Variants in TTLL4 observed in about 807,000 individuals in gnomAD.
TTLL4 encodes the protein tubulin tyrosine ligase like 4.
Under a neutral mutation model 122.7 loss-of-function variants are expected in TTLL4, and 85 were observed. The observed-to-expected ratio is 0.69, with a 90% CI of 0.58 to 0.83. The LOEUF is 0.83. TTLL4 is among the 40% of genes least tolerant of loss of function. TTLL4 has a pLI of 0.00. For synonymous variants in TTLL4, 553 were observed against 563.0 expected, an observed-to-expected ratio of 0.98 and a Z score of 0.25; for missense variants, 1,363 against 1,488.6, an observed-to-expected ratio of 0.92 and a Z score of 1.39.
rs1942857250 is a variant in TTLL4, at chr2:218,746,870, G to A, written c.1975-133G>A. ...GCAGTTGGATACTTGAGGACCATTA[G>A]GGTGGTGATAGTAAGATGGAACAAA... is the stretch of plus-strand genomic sequence containing the variant. On this transcript the variant is annotated intron_variant, in intron 8 of 19. Coordinates refer to ENST00000392102, the MANE Select transcript of TTLL4 (RefSeq NM_014640.5). The A allele has an allele frequency of 3.3e-6, 3 of 910,292 alleles. No homozygotes were observed. In the African/African-American group the frequency reaches 5.0e-5, roughly 15 times the overall value. The allele number at this position is 910,292 out of a possible 1,614,324, so 56.4% of individuals were successfully genotyped here.
At chr2:218,749,467 C>CTT (rs368058156) in intron 14 of TTLL4, 80 bp downstream of exon 14, 2,709 of 1,255,182 alleles carry the variant, frequency 2.2e-3, no homozygotes, top group East Asian at 2.7e-3. Flanking sequence ...GTAAGTTGTT[C>CTT]TTTTTTTTTT....
chr2:218,748,330 G>A, intron 12 of TTLL4, 103 bp downstream of exon 12: 1 of 1,495,978 alleles, frequency 6.7e-7, no homozygotes, highest in Non-Finnish European at 9.0e-7. Context: ...ATTAATATAA[G>A]ACCCAGAGAT....
At position 218,747,500 on chromosome 2, in the gene TTLL4, T is replaced by G. The variant is rs867761816; in HGVS notation, c.2250-97T>G. 5 of 1,575,922 alleles carry G rather than the reference T, an allele frequency of 3.2e-6. No individual in the cohort carries two copies. In the Middle Eastern group the frequency reaches 5.7e-4, roughly 179 times the overall value. ...TCCTTAGCCAACTGTTCTAAGGTCT[T>G]TATCTTGGGGACTGTTAGCTGGCTT... On this transcript the variant is annotated intron_variant, in intron 10 of 19. Coordinates refer to ENST00000392102, the MANE Select transcript of TTLL4 (RefSeq NM_014640.5). The surrounding 1 kb of genome is among the most constrained non-coding windows in gnomAD (Gnocchi z 4.7).
chr2:218,728,673 T>C (rs1942264085), intron 2 of TTLL4, among the ~76,000 whole-genome samples: 1 of 152,066 alleles, frequency 6.6e-6, no homozygotes, highest in Admixed American at 6.6e-5. Flanking sequence ...ATCCTGGCAA[T>C]GTGGGAAGGC....
At position 218,753,668 on chromosome 2, in the gene TTLL4, G is replaced by T. The variant is rs1943084870; in HGVS notation, c.3343G>T (p.Gly1115Ter). The change falls in exon 19 of 20, where the codon GGA (glycine) becomes TGA (stop). Residue 1115 changes from glycine (G) to a stop codon, truncating the protein, a stop_gained and splice_region_variant. Coordinates refer to ENST00000392102, the MANE Select transcript of TTLL4 (RefSeq NM_014640.5). LOFTEE classifies it low-confidence loss of function (END_TRUNC). Reference protein sequence around the residue: ...AFSKSETSKLGKQSSCEVSLL... With the variant: ...AFSKSETSKL The stretch of plus-strand genomic sequence containing the variant: ...CAGCAAATCAGAGACTAGCAAGCTG[G>T]GGTGAGTGCTGCCTGGGCAAGGGAG... 6.2e-7 allele frequency: 1 copy of T among 1,613,982 alleles called. No homozygotes were observed. The highest frequency in any genetic ancestry group is 8.5e-7 in the Non-Finnish European group (1 of 1,180,016).
chr2:218,758,909 ATTG>A (rs1244157017), downstream of TTLL4, among the ~76,000 whole-genome samples: 1 of 152,250 alleles, frequency 6.6e-6, no homozygotes, highest in Non-Finnish European at 1.5e-5. Context: ...GAATTAACAA[ATTG>A]TGATATCTCT....
At chr2:218,725,562 CTTTT>C (rs913826483) in intron 1 of TTLL4, among the ~76,000 whole-genome samples, 5 of 148,370 alleles carry the variant, frequency 3.4e-5, no homozygotes, top group Non-Finnish European at 7.5e-5. Context: ...TTTATATTGC[CTTTT>C]TTTTTTGGAG....
intron 14 of TTLL4, among the ~76,000 whole-genome samples, chr2:218,749,719 G>A (rs565453099): frequency 2.0e-5 from 3 of 152,170 alleles, no homozygotes; most frequent in East Asian, 3.9e-4. Flanking sequence ...TGCCCACCTC[G>A]GCCTCCCAAA....
intron 2 of TTLL4, among the ~76,000 whole-genome samples, chr2:218,727,605 G>A (rs907002516): frequency 7.2e-5 from 11 of 152,012 alleles, no homozygotes; most frequent in Admixed American, 1.3e-4. Context: ...GCATGGTGGC[G>A]GGCGCCTGTA....
At chr2:218,727,118 C>A (rs558150313) in intron 1 of TTLL4, among the ~76,000 whole-genome samples, 151 bp from the exon 2 acceptor site, 1 of 152,296 alleles carries the variant, frequency 6.6e-6, no homozygotes, top group Admixed American at 6.5e-5. Flanking sequence ...CTGCTAATTT[C>A]TTTTAGTAAG....
chr2:218,736,817 G>A (rs1025871765), intron 2 of TTLL4, among the ~76,000 whole-genome samples: 5 of 151,392 alleles, frequency 3.3e-5, no homozygotes, highest in African/African-American at 1.2e-4. Flanking sequence ...GATTTAGGGA[G>A]CAGTAGATGT....
At chr2:218,723,592 A>C (rs1475946343) in intron 1 of TTLL4, among the ~76,000 whole-genome samples, 2 of 152,182 alleles carry the variant, frequency 1.3e-5, no homozygotes, top group African/African-American at 4.8e-5. Flanking sequence ...TTTGTTTGGA[A>C]ATTGCAGAAG....
Position 218,728,986 on chromosome 2 carries a change from G to T in TTLL4, c.-99+1639G>T, listed in dbSNP as rs563289436. ...TTGTTCTTGTTGCCCAGGCTGGAAT[G>T]CAATGGCATGATCTCGGCTCACTGT... On this transcript the variant is annotated intron_variant, in intron 2 of 19. Transcript: ENST00000392102. 2.5e-3 allele frequency among the ~76,000 whole-genome samples: 355 copies of T among 142,454 alleles called. 1 individual carries two copies. The highest frequency in any genetic ancestry group is 8.9e-3 in the African/African-American group (333 of 37,476). 93.5% of individuals were successfully genotyped at this position (142,454 alleles called of 152,430 possible). A position where few individuals can be genotyped will look rare whatever the true frequency, so the allele number is the denominator to read the frequency against.
rs1942863863 is a variant in TTLL4 at position 218,747,095 on chromosome 2, G to A, written c.2067G>A (p.Glu689=). The A allele has an allele frequency of 6.2e-7, 1 of 1,614,236 alleles. No individual in the cohort carries two copies. The highest frequency in any genetic ancestry group is 1.7e-5 in the Admixed American group (1 of 60,030). Residue 689 remains glutamate, a synonymous_variant, in exon 9 of 20, where the codon GAG becomes GAA. Transcript: ENST00000392102. The surrounding 1 kb of genome is among the most constrained non-coding windows in gnomAD (Gnocchi z 4.7). Reference sequence around the variant, plus strand: ...TGCAGAGCCGCTTTGGCAAGAAGGAGTTCAGTTTCTTCCCCCAGTCCTTTA... The same window carrying A: ...TGCAGAGCCGCTTTGGCAAGAAGGAATTCAGTTTCTTCCCCCAGTCCTTTA... The part of the protein sequence containing the change: ...SRMQSRFGKK[E]FSFFPQSFIL...
At position 218,737,751 on chromosome 2, in the gene TTLL4, A is replaced by G. The variant is rs1414152432; in HGVS notation, c.75A>G (p.Ser25=). 1 of 1,613,984 alleles carries G rather than the reference A, an allele frequency of 6.2e-7. No individual in the cohort carries two copies. Among genetic ancestry groups the G allele is most frequent in the East Asian group, 2.2e-5 (1 of 44,872 alleles). Residue 25 remains serine (S), a synonymous_variant, in exon 3 of 20, where the codon TCA becomes TCG. Transcript: ENST00000392102. Reference sequence around the variant, plus strand: ...ACAGCTTCAAGCAGAGTGGTCCCTCAGGCACAGTACCTGCCACGCCACCTG... The same window carrying G: ...ACAGCTTCAAGCAGAGTGGTCCCTCGGGCACAGTACCTGCCACGCCACCTG... The part of the protein sequence containing the change: ...QKNSFKQSGP[S]GTVPATPPEK...
intron 1 of TTLL4, among the ~76,000 whole-genome samples, chr2:218,712,388 CTT>C (rs55690203): frequency 1.1e-4 from 16 of 141,594 alleles, no homozygotes; most frequent in Admixed American, 1.4e-4. Flanking sequence ...TCCCAGTGAA[CTT>C]TTTTTTTTTT....
chr2:218,745,353 C>T, intron 6 of TTLL4, 120 bp downstream of exon 6: 2 of 1,369,288 alleles, frequency 1.5e-6, no homozygotes, highest in South Asian at 2.5e-5. Context: ...TGGCAGTTGT[C>T]ACACTGTGCT....
intron 2 of TTLL4, among the ~76,000 whole-genome samples, chr2:218,735,862 C>T (rs1002882921): frequency 1.3e-5 from 2 of 151,404 alleles, no homozygotes; most frequent in Admixed American, 6.6e-5. Flanking sequence ...TAGTAGAGAG[C>T]GTTTCACCAT....
At chr2:218,717,555 T>G (rs925366825) in intron 1 of TTLL4, among the ~76,000 whole-genome samples, 3 of 152,228 alleles carry the variant, frequency 2.0e-5, no homozygotes, top group African/African-American at 7.2e-5. Context: ...CTTACTTGTT[T>G]GGCATTGCTA....
Sources: gnomAD v4.1 joint callset for allele counts (sites outside exome capture counted in the v4.1 genomes callset) on GRCh38, gnomAD v4.1.1 for gene constraint, Gnocchi (gnomAD v3.1) non-coding constraint, MANE v1.5 for transcripts, NCBI Gene and HGNC (gene_info 2026-07-23, HGNC 2026-07-21) for gene names.